Variants in ABI2 observed in about 807,000 individuals in gnomAD.
ABI2 encodes abl interactor 2.
ABI2 carries 25 observed loss-of-function variants against 59.2 expected under a neutral mutation model. That is an observed-to-expected ratio of 0.42 (90% CI 0.31 to 0.59). ABI2 has a LOEUF of 0.59. Ranked by LOEUF, ABI2 falls within the 20% of genes least tolerant of loss-of-function variation. ABI2 has a pLI of 0.14. For synonymous variants in ABI2, 213 were observed against 235.5 expected (o/e 0.90, Z 0.87); for missense variants, 545 against 681.8 (o/e 0.80, Z 2.23).
chr2:203,419,223 C>T (rs565097510), intron 11 of ABI2, among the ~76,000 whole-genome samples: 3 of 151,188 alleles, frequency 2.0e-5, no homozygotes, highest in African/African-American at 7.3e-5. Flanking sequence ...CATTCTTCTG[C>T]CTCAGCCTCC....
At position 203,429,359 on chromosome 2, in the gene ABI2, TAGAAA is replaced by T. The variant is rs1191126665; in HGVS notation, c.*2009_*2013del. ...TCTTCTTCGTGTACTGGTCTATAAT[TAGAAA>T]AACTGTTTTAAATTAGATGTTCCCA... On this transcript the variant is annotated 3_prime_UTR_variant, in exon 12 of 12. Transcript: ENST00000261018. The T allele has an allele frequency of 6.6e-6, 1 of 152,244 alleles. No homozygotes were observed. Among genetic ancestry groups the T allele is most frequent in the Non-Finnish European group, 1.5e-5 (1 of 68,042 alleles). 9.4% of individuals were successfully genotyped at this position (152,244 alleles called of 1,614,324 possible).
At chr2:203,352,683 GTTAA>G (rs904925886) in intron 1 of ABI2, among the ~76,000 whole-genome samples, 2 of 152,134 alleles carry the variant, frequency 1.3e-5, no homozygotes, top group African/African-American at 4.8e-5. Flanking sequence ...TACAGTAAAG[GTTAA>G]TTTATTATTG....
At chr2:203,356,955 G>T (rs918616228) in intron 1 of ABI2, among the ~76,000 whole-genome samples, 1 of 151,938 alleles carries the variant, frequency 6.6e-6, no homozygotes, top group Non-Finnish European at 1.5e-5. Context: ...GGGAATGACC[G>T]AAAGCATTGG....
intron 4 of ABI2, among the ~76,000 whole-genome samples, chr2:203,383,056 C>A (rs916636780): frequency 1.1e-4 from 16 of 152,116 alleles, no homozygotes; most frequent in African/African-American, 3.9e-4. Context: ...CAAAACTTAG[C>A]ATGCATTTCT....
At chr2:203,344,410 G>C (rs911087120) in intron 1 of ABI2, among the ~76,000 whole-genome samples, 3 of 151,756 alleles carry the variant, frequency 2.0e-5, no homozygotes, top group African/African-American at 7.3e-5. Flanking sequence ...CTATTGCCCA[G>C]GTTGGAGTGC....
intron 11 of ABI2, 150 bp downstream of exon 11, chr2:203,417,231 TTTGAAAG>T (rs1294118518): frequency 1.4e-6 from 1 of 692,492 alleles, no homozygotes; most frequent in African/African-American, 1.8e-5. Flanking sequence ...GGTTCATGAT[TTTGAAAG>T]TTACACTAGT....
chr2:203,411,370 T>C lies in ABI2; in HGVS notation c.1278T>C (p.Asn426=). ...GATTTGTGGCCAGAGTCCAAGAAAA[T>C]AGTAAGTTTATGTCTTCTTTATGCT... ...LMGFVARVQE[N]ISDTPPPPPP... The change falls in exon 10 of 12, where the codon AAT becomes AAC. Residue 426 remains asparagine (N), a splice_region_variant and synonymous_variant. Coordinates refer to ENST00000261018, the MANE Select transcript of ABI2 (RefSeq NM_001375670.1). 1.2e-6 allele frequency: 2 copies of C among 1,609,866 alleles called. No homozygotes were observed. The highest frequency in any genetic ancestry group is 1.7e-6 in the Non-Finnish European group (2 of 1,176,334).
At chr2:203,350,064 C>T (rs182908262) in intron 1 of ABI2, among the ~76,000 whole-genome samples, 2 of 152,116 alleles carry the variant, frequency 1.3e-5, no homozygotes, top group African/African-American at 4.8e-5. Flanking sequence ...CATTTGTGGA[C>T]TGTCTCTTTA....
At position 203,394,803 on chromosome 2, in the gene ABI2, C is replaced by A. The variant is rs2153392906; in HGVS notation, c.682C>A (p.Pro228Thr). 6.2e-7 allele frequency: 1 copy of A among 1,614,114 alleles called. No individual in the cohort carries two copies. The highest frequency in any genetic ancestry group is 8.5e-7 in the Non-Finnish European group (1 of 1,180,022). The change falls in exon 6 of 12, where the codon CCT (proline) becomes ACT (threonine). Residue 228 changes from proline to threonine, a missense_variant. Pro to Thr is a conservative substitution (Grantham distance 38, BLOSUM62 -1). Around this residue, in one of 4 missense-constraint regions of ABI2, gnomAD observed 410 missense variants for 435.6 expected, o/e 0.94. Coordinates refer to ENST00000261018, the MANE Select transcript of ABI2 (RefSeq NM_001375670.1). ...TAATATGGCTCCCTCGCAGCAGAGC[C>A]CTGTGAGGACAGCTTCTGTGAATCA... ...TRNMAPSQQS[P>T]VRTASVNQRN...
rs764203896 is a variant in ABI2, at chr2:203,395,769, G to A, written c.839G>A (p.Ser280Asn). The change falls in exon 7 of 12, where the codon AGT becomes AAT. Residue 280 changes from serine to asparagine, a missense_variant. By Grantham distance (46) the Ser-to-Asn change is conservative. This residue lies in a region of ABI2 where 410 missense variants were observed against 435.6 expected (regional missense o/e 0.94). Coordinates refer to ENST00000261018, the MANE Select transcript of ABI2 (RefSeq NM_001375670.1). ...PIAVPTPSPP[S>N]VFPAPAGSAG... Reference sequence around the variant, plus strand: ...GCTGTTCCTACTCCATCTCCTCCCAGTGTCTTTCCAGGTAAAACATTCATG... The same window carrying A: ...GCTGTTCCTACTCCATCTCCTCCCAATGTCTTTCCAGGTAAAACATTCATG... 1.0e-5 allele frequency: 16 copies of A among 1,596,198 alleles called. No individual in the cohort carries two copies. Among genetic ancestry groups the A allele is most frequent in the Non-Finnish European group, 1.4e-5 (16 of 1,171,870 alleles).
At chr2:203,354,868 A>C (rs1486624517) in intron 1 of ABI2, among the ~76,000 whole-genome samples, 1 of 152,162 alleles carries the variant, frequency 6.6e-6, no homozygotes, top group East Asian at 1.9e-4. Flanking sequence ...TTCGATATAA[A>C]CATTTCTGGA....
chr2:203,376,195 G>T, intron 2 of ABI2: 1 of 1,277,862 alleles, frequency 7.8e-7, no homozygotes, highest in Non-Finnish European at 1.1e-6. Flanking sequence ...GGGAAGTTTT[G>T]CCCCCAAGGG....
At chr2:203,400,772 A>G (rs187804679) in intron 8 of ABI2, among the ~76,000 whole-genome samples, 14 of 152,324 alleles carry the variant, frequency 9.2e-5, no homozygotes, top group African/African-American at 3.1e-4. Context: ...AAACCATTTT[A>G]TAATCATAGA....
At chr2:203,426,845 A>G (rs181481266) in intron 11 of ABI2, among the ~76,000 whole-genome samples, 1 of 151,712 alleles carries the variant, frequency 6.6e-6, no homozygotes, top group Admixed American at 6.6e-5. Flanking sequence ...ATGAAGAAAC[A>G]GCCATCTTTC....
chr2:203,331,183 G>A (rs1279728259), intron 1 of ABI2, among the ~76,000 whole-genome samples: 3 of 151,908 alleles, frequency 2.0e-5, no homozygotes, highest in Non-Finnish European at 4.4e-5. Context: ...GCTCTTATAT[G>A]ATTTGTTGAT....
Position 203,382,220 on chromosome 2 carries a change from G to T in ABI2, c.480+14G>T, listed in dbSNP as rs183109400. The T allele has an allele frequency of 6.6e-7, 1 of 1,526,116 alleles. No homozygotes were observed. Among genetic ancestry groups the T allele is most frequent in the East Asian group, 2.5e-5 (1 of 40,336 alleles). 94.5% of individuals were successfully genotyped at this position (1,526,116 alleles called of 1,614,324 possible). A position where few individuals can be genotyped will look rare whatever the true frequency, so the allele number is the denominator to read the frequency against. ...CTTAGATTTAAGGTAAGAGATTCCAGGGCTGGATTTCCATTCTTTGTTCTT... is the reference window on the plus strand; with the variant it reads ...CTTAGATTTAAGGTAAGAGATTCCATGGCTGGATTTCCATTCTTTGTTCTT... On this transcript the variant is annotated intron_variant, in intron 4 of 11. Coordinates refer to ENST00000261018, the MANE Select transcript of ABI2 (RefSeq NM_001375670.1).
chr2:203,355,556 G>A (rs758061015), intron 1 of ABI2, among the ~76,000 whole-genome samples: 22 of 151,462 alleles, frequency 1.5e-4, no homozygotes, highest in South Asian at 8.4e-4. Flanking sequence ...GAGGCCAGGC[G>A]CAGTGGCTCA....
chr2:203,374,887 C>T (rs748451371), intron 2 of ABI2: 15 of 452,568 alleles, frequency 3.3e-5, no homozygotes, highest in Non-Finnish European at 6.2e-5. Context: ...TTTCAATTAT[C>T]TGTGGTAATG....
At chr2:203,415,366 C>G (rs1004063213) in intron 10 of ABI2, among the ~76,000 whole-genome samples, 125 of 152,098 alleles carry the variant, frequency 8.2e-4, no homozygotes, top group African/African-American at 2.9e-3. Flanking sequence ...GCCTGTAATC[C>G]CAGCACTTTG....
Sources: gnomAD v4.1 joint callset for allele counts (sites outside exome capture counted in the v4.1 genomes callset) on GRCh38, gnomAD v4.1.1 for gene constraint, gnomAD v4.1.1 regional missense constraint, MANE v1.5 for transcripts, NCBI Gene and HGNC (gene_info 2026-07-23, HGNC 2026-07-21) for gene names.